Variants in MICU1 observed in about 807,000 individuals in gnomAD.
The protein encoded by MICU1 is mitochondrial calcium uptake 1, also known as calcium uptake protein 1, mitochondrial.
In MICU1, 45 loss-of-function variants were observed where a neutral mutation model predicts 56.8. That is an observed-to-expected ratio of 0.79 (90% CI 0.62 to 1.02). MICU1 has a LOEUF of 1.02. Among genes scored for constraint, MICU1 ranks in the 50% least tolerant of loss-of-function variants. The pLI, the probability that MICU1 is intolerant of heterozygous loss-of-function variation, is 0.00. For missense variants in MICU1, 504 were observed against 587.1 expected, an observed-to-expected ratio of 0.86 and a Z score of 1.46; for synonymous variants, 186 against 195.1, an observed-to-expected ratio of 0.95 and a Z score of 0.39.
At chr10:72,435,143 C>A (rs764280832) in intron 8 of MICU1, among the ~76,000 whole-genome samples, 1 of 151,986 alleles carries the variant, frequency 6.6e-6, no homozygotes, top group African/African-American at 2.4e-5. Flanking sequence ...GTGATCCCAG[C>A]ACTTTTGGAG....
At chr10:72,497,010 C>T (rs888821742) in intron 6 of MICU1, among the ~76,000 whole-genome samples, 7 of 152,140 alleles carry the variant, frequency 4.6e-5, no homozygotes, top group Admixed American at 4.6e-4. Flanking sequence ...CTATTTCCTG[C>T]CTTGATTCCC....
At chr10:72,580,041 T>C (rs1288054363) in intron 1 of MICU1, among the ~76,000 whole-genome samples, 1 of 152,144 alleles carries the variant, frequency 6.6e-6, no homozygotes, top group Non-Finnish European at 1.5e-5. Context: ...ATTTAAAAAA[T>C]GCCATCTAAA....
At chr10:72,533,811 C>T (rs768729677) in intron 4 of MICU1, 22 bp from the exon 5 acceptor site, 1 of 1,517,952 alleles carries the variant, frequency 6.6e-7, no homozygotes, top group Non-Finnish European at 9.0e-7. Flanking sequence ...AAGGAAAAAA[C>T]ATTTAGCTAC....
rs112863968 is a variant in MICU1, at chr10:72,558,940, C to A, written c.330+3955G>T. Among the ~76,000 whole-genome samples, 861 of 152,240 alleles carry A rather than the reference C, an allele frequency of 5.7e-3. 7 individuals are homozygous for A. The highest frequency in any genetic ancestry group is 0.01 in the South Asian group (49 of 4,818). On this transcript the variant is annotated intron_variant, in intron 3 of 11. Transcript: ENST00000361114. ...GGCTGAGGCAGGAGAACTACCTGAGCCCAGAAGTTCGAGACTGCGGTGAGC... is the reference window on the plus strand; with the variant it reads ...GGCTGAGGCAGGAGAACTACCTGAGACCAGAAGTTCGAGACTGCGGTGAGC...
rs756893103 is a variant in MICU1, at chr10:72,413,530, C to T, written c.1072-5493G>A. Among the ~76,000 whole-genome samples the T allele has an allele frequency of 7.9e-5, 12 of 151,912 alleles. 1 individual carries two copies. The South Asian group carries it at 1.9e-3, about 24-fold the overall frequency. On this transcript the variant is annotated intron_variant, in intron 9 of 11. Coordinates refer to ENST00000361114, the MANE Select transcript of MICU1 (RefSeq NM_001195518.2). ...GGTGGATCACCTGAGGTTGGATGTT[C>T]GAGACCAGCCTGACCAATATGGTGA... is the stretch of plus-strand genomic sequence containing the variant.
chr10:72,556,242 A>G (rs907551249), intron 3 of MICU1, among the ~76,000 whole-genome samples: 2 of 152,226 alleles, frequency 1.3e-5, no homozygotes, highest in Non-Finnish European at 2.9e-5. Flanking sequence ...ATGATCTCTT[A>G]AGGTTCTATG....
At chr10:72,468,225 AT>A (rs1239376650) in intron 8 of MICU1, among the ~76,000 whole-genome samples, 1 of 151,650 alleles carries the variant, frequency 6.6e-6, no homozygotes, top group Non-Finnish European at 1.5e-5. Context: ...CTATTAGATA[AT>A]ACCTTTTCAG....
At chr10:72,437,960 C>A (rs555863844) in intron 8 of MICU1, among the ~76,000 whole-genome samples, 40 of 152,250 alleles carry the variant, frequency 2.6e-4, no homozygotes, top group Non-Finnish European at 4.9e-4. Context: ...GAGACTTTAA[C>A]ACCCCACTGT....
intron 6 of MICU1, among the ~76,000 whole-genome samples, chr10:72,483,972 T>A (rs1030017387): frequency 6.6e-6 from 1 of 152,224 alleles, no homozygotes; most frequent in African/African-American, 2.4e-5. Context: ...GAATTATAAT[T>A]TAAAACACTG....
chr10:72,622,072 C>T (rs1842116893), intron 1 of MICU1, among the ~76,000 whole-genome samples: 1 of 152,002 alleles, frequency 6.6e-6, no homozygotes, highest in Non-Finnish European at 1.5e-5. Context: ...CCTGCCACCA[C>T]ACTCGGCTAA....
intron 1 of MICU1, among the ~76,000 whole-genome samples, chr10:72,623,891 TTTAATTAA>T (rs71021518): frequency 2.0e-5 from 3 of 150,288 alleles, no homozygotes; most frequent in Admixed American, 6.6e-5. Flanking sequence ...CCCATCTCCA[TTTAATTAA>T]TTAATTAATT....
chr10:72,569,212 T>C (rs1403156420), intron 1 of MICU1, among the ~76,000 whole-genome samples: 1 of 47,644 alleles, frequency 2.1e-5, no homozygotes, highest in African/African-American at 7.6e-5. Flanking sequence ...TATGCATATA[T>C]ATATATATAT....
At chr10:72,616,832 T>A (rs1382182023) in intron 1 of MICU1, among the ~76,000 whole-genome samples, 1 of 152,168 alleles carries the variant, frequency 6.6e-6, no homozygotes, top group Non-Finnish European at 1.5e-5. Context: ...CTGCAGCTAT[T>A]TCCAGTTTTC....
chr10:72,456,800 C>T (rs1865471394), intron 8 of MICU1, among the ~76,000 whole-genome samples: 2 of 151,744 alleles, frequency 1.3e-5, no homozygotes, highest in Admixed American at 1.3e-4. Context: ...GCAATCCTTC[C>T]ACCCCAGCTT....
chr10:72,617,074 CTT>C (rs1340001265), intron 1 of MICU1, among the ~76,000 whole-genome samples: 1 of 152,104 alleles, frequency 6.6e-6, no homozygotes, highest in Non-Finnish European at 1.5e-5. Context: ...TTTTTGTCTG[CTT>C]TTTTAGCTGT....
At chr10:72,521,367 C>T (rs757796284) in intron 5 of MICU1, among the ~76,000 whole-genome samples, 6 of 151,894 alleles carry the variant, frequency 4.0e-5, no homozygotes, top group Non-Finnish European at 8.8e-5. Flanking sequence ...GCACCAATGA[C>T]CATTAAAGAC....
intron 6 of MICU1, among the ~76,000 whole-genome samples, chr10:72,497,522 G>T (rs910318106): frequency 6.6e-6 from 1 of 152,234 alleles, no homozygotes; most frequent in Non-Finnish European, 1.5e-5. Flanking sequence ...GGCAGACAAT[G>T]TGAAAATGTG....
intron 10 of MICU1, among the ~76,000 whole-genome samples, chr10:72,378,177 T>G (rs866422894): frequency 1.3e-5 from 2 of 152,262 alleles, no homozygotes; most frequent in Middle Eastern, 3.4e-3. Context: ...CACTTGAACC[T>G]GGGAGGCGGA....
chr10:72,522,732 C>G (rs757723232), intron 5 of MICU1, among the ~76,000 whole-genome samples: 5 of 152,072 alleles, frequency 3.3e-5, no homozygotes, highest in Non-Finnish European at 7.4e-5. Flanking sequence ...AGAAACTTAG[C>G]ATGCAAAGAA....
Sources: gnomAD v4.1 joint callset for allele counts (sites outside exome capture counted in the v4.1 genomes callset) on GRCh38, gnomAD v4.1.1 for gene constraint, MANE v1.5 for transcripts, NCBI Gene and HGNC (gene_info 2026-07-23, HGNC 2026-07-21) for gene names.